Variants in KLHL29 observed in about 807,000 individuals in gnomAD.
The protein encoded by KLHL29 is kelch like family member 29, also known as kelch-like protein 29.
In KLHL29, 21 loss-of-function variants were observed where a neutral mutation model predicts 80.4. That is an observed-to-expected ratio of 0.26 (90% CI 0.19 to 0.38). The LOEUF is 0.38. Ranked by LOEUF, KLHL29 falls within the 10% of genes least tolerant of loss-of-function variation. The pLI is 1.00. For synonymous variants in KLHL29, 511 were observed against 526.8 expected, an observed-to-expected ratio of 0.97 and a Z score of 0.41; for missense variants, 867 against 1,223.9, an observed-to-expected ratio of 0.71 and a Z score of 4.35.
intron 3 of KLHL29, among the ~76,000 whole-genome samples, chr2:23,585,129 C>T (rs1048920848): frequency 1.3e-5 from 2 of 152,196 alleles, no homozygotes; most frequent in African/African-American, 4.8e-5. Context: ...TGGGTACACA[C>T]CCGAGTGGGC....
At chr2:23,703,587 C>G in intron 12 of KLHL29, 132 bp from the exon 13 acceptor site, 1 of 1,214,540 alleles carries the variant, frequency 8.2e-7, no homozygotes, top group Non-Finnish European at 1.1e-6. Context: ...GGCCCCGGAC[C>G]CATCCCCAGG....
chr2:23,443,026 C>A (rs929720447), intron 1 of KLHL29, among the ~76,000 whole-genome samples: 1 of 151,898 alleles, frequency 6.6e-6, no homozygotes, highest in Non-Finnish European at 1.5e-5. Flanking sequence ...CACTTCAGGC[C>A]CTTGTGTTGG....
At chr2:23,666,947 C>T (rs1197427924) in intron 5 of KLHL29, among the ~76,000 whole-genome samples, 1 of 152,258 alleles carries the variant, frequency 6.6e-6, no homozygotes, top group East Asian at 1.9e-4. Context: ...CAATCCCTCC[C>T]TGGCCAGTGG....
chr2:23,460,969 A>G (rs1664192600), intron 1 of KLHL29, among the ~76,000 whole-genome samples: 2 of 152,218 alleles, frequency 1.3e-5, no homozygotes, highest in African/African-American at 4.8e-5. Flanking sequence ...TATCATACCA[A>G]GTATCTTGGA....
chr2:23,438,923 G>A (rs1374733500), intron 1 of KLHL29, among the ~76,000 whole-genome samples: 1 of 146,048 alleles, frequency 6.8e-6, no homozygotes, highest in Non-Finnish European at 1.5e-5. Flanking sequence ...GAATTTGGCT[G>A]TGAATCCATC....
chr2:23,539,391 C>T (rs1572387828), intron 2 of KLHL29, among the ~76,000 whole-genome samples: 1 of 149,376 alleles, frequency 6.7e-6, no homozygotes, highest in Non-Finnish European at 1.5e-5. Flanking sequence ...CAATAATAAT[C>T]CTAGCAGACT....
intron 3 of KLHL29, among the ~76,000 whole-genome samples, chr2:23,620,563 A>G (rs905507727): frequency 6.6e-6 from 1 of 152,152 alleles, no homozygotes; most frequent in African/African-American, 2.4e-5. Flanking sequence ...CAGCTCTGGG[A>G]CAGAGCATAC....
At position 23,527,573 on chromosome 2, in the gene KLHL29, G is replaced by A. The variant is rs575806903; in HGVS notation, c.-45-34579G>A. On this transcript the variant is annotated intron_variant, in intron 2 of 13. Transcript: ENST00000486442. ...CAGAACTTAGAGGCTGTTCATCTCCGGGCACAGAGCTAGAGCCTTTCTCAG... is the reference window on the plus strand; with the variant it reads ...CAGAACTTAGAGGCTGTTCATCTCCAGGCACAGAGCTAGAGCCTTTCTCAG... 3.3e-5 allele frequency among the ~76,000 whole-genome samples: 5 copies of A among 152,328 alleles called. No homozygotes were observed. The East Asian group carries it at 5.8e-4, about 18-fold the overall frequency.
chr2:23,417,611 G>T (rs754471539), intron 1 of KLHL29, among the ~76,000 whole-genome samples: 1 of 152,176 alleles, frequency 6.6e-6, no homozygotes. Flanking sequence ...CAAGTCAGTC[G>T]TGGATGGAGG....
At chr2:23,451,632 C>T (rs1226205282) in intron 1 of KLHL29, among the ~76,000 whole-genome samples, 1 of 152,214 alleles carries the variant, frequency 6.6e-6, no homozygotes, top group Non-Finnish European at 1.5e-5. Context: ...CCAGTGAAAG[C>T]AGCTGTTTCC....
chr2:23,393,178 T>C (rs1038143586), intron 1 of KLHL29, among the ~76,000 whole-genome samples: 9 of 152,108 alleles, frequency 5.9e-5, no homozygotes, highest in Admixed American at 1.3e-4. Context: ...CTGGTAAAAA[T>C]GTTTGCCTGG....
rs1343443964 is a variant in KLHL29, at chr2:23,693,582, G to A, written c.1542+54G>A. 1.9e-5 allele frequency: 28 copies of A among 1,508,998 alleles called. No homozygotes were observed. The East Asian group carries it at 3.0e-4, about 16-fold the overall frequency. The allele number at this position is 1,508,998 out of a possible 1,614,324, so 93.5% of individuals were successfully genotyped here. A position where few individuals can be genotyped will look rare whatever the true frequency, so the allele number is the denominator to read the frequency against. On this transcript the variant is annotated intron_variant, in intron 8 of 13. Coordinates refer to ENST00000486442, the MANE Select transcript of KLHL29 (RefSeq NM_052920.2). ...CTCTCTGGGTTTGGGGTCCCCCTGC[G>A]GCAATGGGGTCTGCAGCAAGGAGGA... is the stretch of plus-strand genomic sequence containing the variant.
At chr2:23,644,531 C>T (rs3795929) in intron 5 of KLHL29, among the ~76,000 whole-genome samples, 14,338 of 152,326 alleles carry the variant, frequency 0.094, 1,688 homozygotes, top group East Asian at 0.45. Context: ...AGTCCCTAGT[C>T]TGGGGCTCAG....
At chr2:23,666,004 C>T (rs1339926443) in intron 5 of KLHL29, among the ~76,000 whole-genome samples, 1 of 152,206 alleles carries the variant, frequency 6.6e-6, no homozygotes, top group African/African-American at 2.4e-5. Context: ...AGATGAGTAC[C>T]TTGGTGGGAC....
At position 23,696,133 on chromosome 2, in the gene KLHL29, G is replaced by T; in HGVS notation, c.1924G>T (p.Gly642Cys). 6.4e-7 allele frequency: 1 copy of T among 1,550,938 alleles called. No homozygotes were observed. The highest frequency in any genetic ancestry group is 8.7e-7 in the Non-Finnish European group (1 of 1,146,476). Residue 642 changes from glycine to cysteine, a missense_variant and splice_region_variant, in exon 10 of 14, where the codon GGT (glycine) becomes TGT (cysteine). Physicochemically the swap from Gly to Cys is radical, Grantham distance 159 (BLOSUM62 -3). Around this residue, in one of 2 missense-constraint regions of KLHL29, gnomAD observed 443 missense variants for 767.0 expected, o/e 0.58. Transcript: ENST00000486442. This position sits in a 1 kb window ranked among gnomAD's most constrained non-coding sequence, Gnocchi z 5.5. ...TGCAGGGGACAACATCTACCTCTCA[G>T]GTGAGGCCCCCCGGGGTTGGGGCGG... is the stretch of plus-strand genomic sequence containing the variant. ...VSAGDNIYLS[G>C]GMESGVTLAD...
chr2:23,644,628 C>T (rs2149160167), intron 5 of KLHL29, among the ~76,000 whole-genome samples: 1 of 152,362 alleles, frequency 6.6e-6, no homozygotes, highest in African/African-American at 2.4e-5. Context: ...CAGAAAGACA[C>T]AGGTGGCGGG....
chr2:23,499,360 T>A (rs1665363975), intron 2 of KLHL29, among the ~76,000 whole-genome samples: 1 of 152,078 alleles, frequency 6.6e-6, no homozygotes, highest in South Asian at 2.1e-4. Context: ...TTACAGGAAA[T>A]GGACAGATTA....
At chr2:23,485,270 CTGTCTCAGTCAGTG>C (rs1358710426) in intron 2 of KLHL29, among the ~76,000 whole-genome samples, 3 of 152,240 alleles carry the variant, frequency 2.0e-5, no homozygotes, top group Non-Finnish European at 4.4e-5. Context: ...GTGGCAGGGA[CTGTCTCAGTCAGTG>C]TGTCTCAGTC....
chr2:23,623,412 T>C (rs1250521698), intron 3 of KLHL29, among the ~76,000 whole-genome samples: 2 of 152,216 alleles, frequency 1.3e-5, no homozygotes, highest in Admixed American at 6.5e-5. Context: ...GAGCTCTGTT[T>C]TCTCCCTCCT....
Sources: gnomAD v4.1 joint callset for allele counts (sites outside exome capture counted in the v4.1 genomes callset) on GRCh38, gnomAD v4.1.1 for gene constraint, gnomAD v4.1.1 regional missense constraint, Gnocchi (gnomAD v3.1) non-coding constraint, MANE v1.5 for transcripts, NCBI Gene and HGNC (gene_info 2026-07-23, HGNC 2026-07-21) for gene names.